The following ZSCAN25 variants were observed in gnomAD, a reference collection of about 807,000 sequenced individuals.
ZSCAN25 encodes zinc finger and SCAN domain-containing protein 25.
Under a neutral mutation model 38.7 loss-of-function variants are expected in ZSCAN25, and 27 were observed. The ratio of observed to expected loss-of-function variants is 0.70; its 90% CI spans 0.51 to 0.96. The LOEUF (loss-of-function observed/expected upper bound fraction) is 0.96, where lower values mean the gene tolerates loss of function less well. ZSCAN25 is among the 40% of genes least tolerant of loss of function. The pLI, the probability that ZSCAN25 is intolerant of heterozygous loss-of-function variation, is 0.00. For missense variants in ZSCAN25, 637 were observed against 705.9 expected (o/e 0.90, Z 1.11); for synonymous variants, 273 against 277.7 (o/e 0.98, Z 0.17).
the ZSCAN25 span, among the ~76,000 whole-genome samples, chr7:99,662,036 A>G: frequency 6.6e-6 from 1 of 152,234 alleles, no homozygotes; most frequent in Non-Finnish European, 1.5e-5. This position sits in a 1 kb window ranked among gnomAD's most constrained non-coding sequence, Gnocchi z 4.3. Flanking sequence ...TTTTGTTGAG[A>G]TAGATAGATG....
the ZSCAN25 span, among the ~76,000 whole-genome samples, chr7:99,701,068 T>A: frequency 1.2e-3 from 184 of 152,334 alleles, 1 homozygote; most frequent in South Asian, 0.032. Context: ...CACCTATTCA[T>A]TCCTGTATTA....
At chr7:99,666,668 A>G in the ZSCAN25 span, 85 of 1,613,870 alleles carry the variant, frequency 5.3e-5, no homozygotes, top group Non-Finnish European at 6.9e-5. Context: ...ACATCTCCAT[A>G]CTGGGCAATG....
chr7:99,631,692 C>G lies in ZSCAN25; in HGVS notation c.*1672C>G. The stretch of plus-strand genomic sequence containing the variant: ...ACACAAAGCTGTATTACTCAGCCCA[C>G]TTTGAAACGTGGTTTTATCACCTGT... On this transcript the variant is annotated 3_prime_UTR_variant, in exon 8 of 8. Transcript: ENST00000394152. The G allele has an allele frequency of 1.0e-6, 1 of 985,240 alleles. No individual in the cohort carries two copies. Among genetic ancestry groups the G allele is most frequent in the African/African-American group, 1.7e-5 (1 of 57,278 alleles). 61.0% of individuals were successfully genotyped at this position (985,240 alleles called of 1,614,324 possible). A position where few individuals can be genotyped will look rare whatever the true frequency, so the allele number is the denominator to read the frequency against.
At chr7:99,683,697 C>A in the ZSCAN25 span, among the ~76,000 whole-genome samples, 1 of 151,994 alleles carries the variant, frequency 6.6e-6, no homozygotes, top group Non-Finnish European at 1.5e-5. Flanking sequence ...TTTTTCAGGC[C>A]ACCCCTCTGT....
the ZSCAN25 span, among the ~76,000 whole-genome samples, chr7:99,673,641 C>T: frequency 6.6e-6 from 1 of 152,172 alleles, no homozygotes; most frequent in African/African-American, 2.4e-5. Context: ...ATCTCTCAAC[C>T]CTTCTTTCAA....
At chr7:99,665,558 A>G in the ZSCAN25 span, among the ~76,000 whole-genome samples, 1 of 152,228 alleles carries the variant, frequency 6.6e-6, no homozygotes, top group Non-Finnish European at 1.5e-5. Context: ...TCTGAGGTCA[A>G]GGAGCCCAGT....
the ZSCAN25 span, among the ~76,000 whole-genome samples, chr7:99,642,097 C>T: frequency 6.6e-6 from 1 of 151,938 alleles, no homozygotes; most frequent in Admixed American, 6.5e-5. Context: ...TTCTCAAGCC[C>T]TTTACACAAC....
the ZSCAN25 span, among the ~76,000 whole-genome samples, chr7:99,710,229 T>C: frequency 6.6e-6 from 1 of 152,174 alleles, no homozygotes; most frequent in Admixed American, 6.5e-5. Context: ...GGCAATATTA[T>C]AGAGTTTAAG....
In ZSCAN25 at chr7:99,632,190, C is replaced by T; in HGVS notation, c.*2170C>T. 1 of 985,388 alleles carries T rather than the reference C, an allele frequency of 1.0e-6. No individual in the cohort carries two copies. The highest frequency in any genetic ancestry group is 1.2e-6 in the Non-Finnish European group (1 of 829,924). The allele number at this position is 985,388 out of a possible 1,614,324, so 61.0% of individuals were successfully genotyped here. ...TCCCTATCTCCTGTGGGGCCAAGAG[C>T]TTAGGACAGTGTCTCAGAAAAGCCT... is the stretch of plus-strand genomic sequence containing the variant. On this transcript the variant is annotated 3_prime_UTR_variant, in exon 8 of 8. Coordinates refer to ENST00000394152, the MANE Select transcript of ZSCAN25 (RefSeq NM_145115.3).
rs1807781240 is a variant in ZSCAN25 at position 99,629,342 on chromosome 7, C to T, written c.957C>T (p.Gly319=). The change falls in exon 8 of 8, where the codon GGC becomes GGT. Residue 319 remains glycine, a synonymous_variant. Coordinates refer to ENST00000394152, the MANE Select transcript of ZSCAN25 (RefSeq NM_145115.3). The surrounding 1 kb of genome is among the most constrained non-coding windows in gnomAD (Gnocchi z 5.6). ...AGCAGGAGCCTGGTGGCCCTGCAGGCAGTGCGCCTGGGCTTCCTCCTCCCC... is the reference window on the plus strand; with the variant it reads ...AGCAGGAGCCTGGTGGCCCTGCAGGTAGTGCGCCTGGGCTTCCTCCTCCCC... ...VCEQEPGGPA[G]SAPGLPPPQH... is the part of the protein sequence containing the mutation. The T allele has an allele frequency of 6.2e-7, 1 of 1,614,198 alleles. No individual in the cohort carries two copies. The highest frequency in any genetic ancestry group is 2.2e-5 in the East Asian group (1 of 44,866).
At position 99,629,347 on chromosome 7, in the gene ZSCAN25, C is replaced by T. The variant is rs748304928; in HGVS notation, c.962C>T (p.Ala321Val). 3.2e-5 allele frequency: 52 copies of T among 1,614,152 alleles called. No homozygotes were observed. The South Asian group carries it at 4.4e-4, about 14-fold the overall frequency. Residue 321 changes from alanine (A) to valine (V), a missense_variant, in exon 8 of 8, where the codon GCG becomes GTG. Ala to Val is a moderately conservative substitution (Grantham distance 64, BLOSUM62 0). Coordinates refer to ENST00000394152, the MANE Select transcript of ZSCAN25 (RefSeq NM_145115.3). The surrounding 1 kb of genome is among the most constrained non-coding windows in gnomAD (Gnocchi z 5.6). ...GAGCCTGGTGGCCCTGCAGGCAGTGCGCCTGGGCTTCCTCCTCCCCAGCAC... is the reference window on the plus strand; with the variant it reads ...GAGCCTGGTGGCCCTGCAGGCAGTGTGCCTGGGCTTCCTCCTCCCCAGCAC... Reference protein sequence around the residue: ...EQEPGGPAGSAPGLPPPQHGA... With the variant: ...EQEPGGPAGSVPGLPPPQHGA...
At position 99,629,672 on chromosome 7, in the gene ZSCAN25, G is replaced by T. The variant is rs1807818012; in HGVS notation, c.1287G>T (p.Lys429Asn). The T allele has an allele frequency of 6.2e-7, 1 of 1,614,086 alleles. No individual in the cohort carries two copies. The highest frequency in any genetic ancestry group is 1.3e-5 in the African/African-American group (1 of 75,064). The change falls in exon 8 of 8, where the codon AAG (lysine) becomes AAT (asparagine). Residue 429 changes from lysine (K) to asparagine (N), a missense_variant. Coordinates refer to ENST00000394152, the MANE Select transcript of ZSCAN25 (RefSeq NM_145115.3). This position sits in a 1 kb window ranked among gnomAD's most constrained non-coding sequence, Gnocchi z 5.6. ...EVHQRSHTGE[K>N]PYKCGDCWKS... ...ACCAGCGCAGCCACACTGGGGAGAA[G>T]CCCTACAAGTGCGGGGACTGCTGGA...
At chr7:99,663,797 C>T in the ZSCAN25 span, 1 of 1,318,406 alleles carries the variant, frequency 7.6e-7, no homozygotes, top group Non-Finnish European at 9.6e-7. Context: ...CTGACTCATT[C>T]TCATCTCCTT....
the ZSCAN25 span, chr7:99,671,528 A>G: frequency 3.1e-6 from 1 of 320,090 alleles, no homozygotes; most frequent in Non-Finnish European, 5.7e-6. Flanking sequence ...ACATTTGGAC[A>G]GCCATAGTCC....
chr7:99,647,029 T>G, the ZSCAN25 span, among the ~76,000 whole-genome samples: 327 of 152,338 alleles, frequency 2.1e-3, no homozygotes, highest in African/African-American at 7.6e-3. Flanking sequence ...ATGACTCTTT[T>G]CTGCAAAAGT....
chr7:99,667,702 T>C, the ZSCAN25 span, among the ~76,000 whole-genome samples: 1 of 152,232 alleles, frequency 6.6e-6, no homozygotes, highest in African/African-American at 2.4e-5. Context: ...AACTTTCTCT[T>C]ATCTTCCACA....
chr7:99,643,091 AAAG>A, the ZSCAN25 span, among the ~76,000 whole-genome samples: 1 of 152,182 alleles, frequency 6.6e-6, no homozygotes, highest in East Asian at 1.9e-4. Flanking sequence ...TTTTTTCAAA[AAAG>A]CAATTTATTT....
downstream of ZSCAN25, among the ~76,000 whole-genome samples, chr7:99,633,055 A>T (rs536402035): frequency 2.1e-5 from 3 of 145,746 alleles, no homozygotes; most frequent in African/African-American, 7.7e-5. Flanking sequence ...GCACAGTCTC[A>T]GCTCACCGCA....
the ZSCAN25 span, among the ~76,000 whole-genome samples, chr7:99,736,876 G>A: frequency 3.3e-5 from 5 of 152,188 alleles, no homozygotes; most frequent in East Asian, 1.9e-4. Flanking sequence ...GGTATGTGCC[G>A]GGAGCCACAT....
Sources: allele counts gnomAD v4.1 joint callset (sites outside exome capture counted in the v4.1 genomes callset), GRCh38; gene constraint gnomAD v4.1.1; non-coding constraint Gnocchi (gnomAD v3.1); transcripts MANE v1.5; gene names NCBI Gene and HGNC (gene_info 2026-07-23, HGNC 2026-07-21).